The following ADGRF3 variants were observed in gnomAD, a reference collection of about 807,000 sequenced individuals.
ADGRF3 encodes G protein-coupled receptor 113.
Under a neutral mutation model 93.2 loss-of-function variants are expected in ADGRF3, and 85 were observed. That is an observed-to-expected ratio of 0.91 (90% CI 0.77 to 1.09). ADGRF3 has a LOEUF of 1.09. Ranked by LOEUF, ADGRF3 falls within the 50% of genes least tolerant of loss-of-function variation. The pLI, the probability that ADGRF3 is intolerant of heterozygous loss-of-function variation, is 0.00. For synonymous variants in ADGRF3, 534 were observed against 532.5 expected (o/e 1.00, Z -0.04); for missense variants, 1,125 against 1,246.2 (o/e 0.90, Z 1.46).
At position 26,316,385 on chromosome 2, in the gene ADGRF3, G is replaced by A; in HGVS notation, c.389C>T (p.Thr130Ile). The A allele has an allele frequency of 1.3e-6, 2 of 1,551,838 alleles. No individual in the cohort carries two copies. The highest frequency in any genetic ancestry group is 8.7e-7 in the Non-Finnish European group (1 of 1,147,004). ...CACLSGYQWN[T>I]SICLHYPPCQ... ...AGGAGGGTAATGGAGGCAGATGCTG[G>A]TGTTCCACTGGTAGCCAGAGAGGCA... The change falls in exon 4 of 14, where the codon ACC becomes ATC. Residue 130 changes from threonine (T) to isoleucine (I), a missense_variant. Transcript: ENST00000651242.
At position 26,345,888 on chromosome 2, in the gene ADGRF3, C is replaced by T. The variant is rs1676702349; in HGVS notation, c.114+233G>A. On this transcript the variant is annotated intron_variant, in intron 1 of 13. Coordinates refer to ENST00000651242, the MANE Select transcript of ADGRF3 (RefSeq NM_001321971.2). ...CCCTCTCTTGCCTTACCTCAGCTCA[C>T]CAATTTTGACGCTAGCAAATGAAGC... 1.1e-5 allele frequency: 6 copies of T among 544,878 alleles called. No individual in the cohort carries two copies. In the East Asian group the frequency reaches 1.6e-4, roughly 14 times the overall value. The allele number at this position is 544,878 out of a possible 1,614,324, so 33.8% of individuals were successfully genotyped here.
At chr2:26,325,483 G>A (rs1675389091) in intron 1 of ADGRF3, among the ~76,000 whole-genome samples, 1 of 152,166 alleles carries the variant, frequency 6.6e-6, no homozygotes. Context: ...ATGAGATCCT[G>A]CATTTGCTGT....
At chr2:26,331,615 A>G (rs1675773664) in intron 1 of ADGRF3, among the ~76,000 whole-genome samples, 1 of 152,188 alleles carries the variant, frequency 6.6e-6, no homozygotes, top group African/African-American at 2.4e-5. Context: ...CCGTAATCCC[A>G]GCTACTTGGG....
intron 1 of ADGRF3, among the ~76,000 whole-genome samples, chr2:26,329,518 G>T (rs969374690): frequency 2.6e-5 from 4 of 152,212 alleles, no homozygotes; most frequent in Non-Finnish European, 4.4e-5. Context: ...GCAAGCAAAT[G>T]GATTCTTCCC....
chr2:26,310,084 G>A lies in ADGRF3; in HGVS notation c.2896C>T (p.Arg966Cys), dbSNP rs760101320. The A allele has an allele frequency of 1.2e-5, 19 of 1,613,930 alleles. No individual in the cohort carries two copies. The highest frequency in any genetic ancestry group is 4.0e-5 in the African/African-American group (3 of 74,936). ...CTGGGGGCTTGGGCGCGGCAGAAGC[G>A]TTTGCGCAAAGCTTCTTGTATCTGC... Reference protein sequence around the residue: ...DRKIQEALRKRFCRAQAPSST... With the variant: ...DRKIQEALRKCFCRAQAPSST... Residue 966 changes from arginine to cysteine, a missense_variant, in exon 12 of 14, where the codon CGC (arginine) becomes TGC (cysteine). Arg to Cys is a radical substitution (Grantham distance 180). Transcript: ENST00000651242.
At chr2:26,336,315 A>AGTGTGTGTGTGTGTGTGTGTGT (rs71399385) in intron 1 of ADGRF3, among the ~76,000 whole-genome samples, 56 of 148,676 alleles carry the variant, frequency 3.8e-4, no homozygotes, top group African/African-American at 6.7e-4. Flanking sequence ...GGAGATCAAG[A>AGTGTGTGTGTGTGTGTGTGTGT]GTGTGTGTGT....
At chr2:26,343,436 TC>T (rs1171789394) in intron 1 of ADGRF3, among the ~76,000 whole-genome samples, 1 of 147,110 alleles carries the variant, frequency 6.8e-6, no homozygotes, top group African/African-American at 2.5e-5. Flanking sequence ...GATCAAATGA[TC>T]TTTTTTTTTT....
intron 1 of ADGRF3, among the ~76,000 whole-genome samples, chr2:26,318,641 AG>A (rs1674912941): frequency 6.6e-6 from 1 of 152,178 alleles, no homozygotes; most frequent in Non-Finnish European, 1.5e-5. Context: ...CTAAGCCAAT[AG>A]TTTCCAAATC....
intron 1 of ADGRF3, among the ~76,000 whole-genome samples, chr2:26,344,536 A>G (rs1211888651): frequency 6.6e-6 from 1 of 152,236 alleles, no homozygotes; most frequent in Non-Finnish European, 1.5e-5. Context: ...TACGTTGATC[A>G]TGTATTATTT....
intron 1 of ADGRF3, among the ~76,000 whole-genome samples, chr2:26,339,575 T>C (rs537902715): frequency 8.5e-5 from 13 of 152,282 alleles, no homozygotes; most frequent in African/African-American, 3.1e-4. Flanking sequence ...TCTTTCCTCT[T>C]GGGTTTTAAG....
At chr2:26,309,665 T>G (rs1673875165) in intron 12 of ADGRF3, 84 bp from the exon 13 acceptor site, 2 of 1,529,056 alleles carry the variant, frequency 1.3e-6, no homozygotes, top group Non-Finnish European at 1.8e-6. Flanking sequence ...CTGTTTTACT[T>G]TCTCACATGC....
chr2:26,343,312 CAGATG>C (rs1676492367), intron 1 of ADGRF3, among the ~76,000 whole-genome samples: 1 of 152,098 alleles, frequency 6.6e-6, no homozygotes, highest in South Asian at 2.1e-4. Flanking sequence ...CAAGATTTCC[CAGATG>C]AGATGACTTA....
intron 9 of ADGRF3, among the ~76,000 whole-genome samples, chr2:26,312,709 C>T (rs1674288651): frequency 6.6e-6 from 1 of 152,222 alleles, no homozygotes. Flanking sequence ...CCTCATGTCT[C>T]CACACCCTTG....
rs748145781 is a variant in ADGRF3 at position 26,309,568 on chromosome 2, C to T, written c.2951G>A (p.Gly984Asp). The change falls in exon 13 of 14, where the codon GGC (glycine) becomes GAC (aspartate). Residue 984 changes from glycine to aspartate, a missense_variant. Transcript: ENST00000651242. ...TCCTTTGCTGTGTTCCAAGATGCAG[C>T]CTTCATTTGTGGCCTAGGAAGGGGT... Reference protein sequence around the residue: ...SSTISLATNEGCILEHSKGGS... With the variant: ...SSTISLATNEDCILEHSKGGS... 6.8e-6 allele frequency: 11 copies of T among 1,612,696 alleles called. No individual in the cohort carries two copies. The highest frequency in any genetic ancestry group is 9.3e-6 in the Non-Finnish European group (11 of 1,179,514).
chr2:26,320,307 C>T (rs1320290172), intron 1 of ADGRF3, among the ~76,000 whole-genome samples: 5 of 152,030 alleles, frequency 3.3e-5, no homozygotes, highest in Admixed American at 2.0e-4. Context: ...GACCAGCCTG[C>T]CCAACATGGT....
chr2:26,319,031 G>A, intron 1 of ADGRF3: 1 of 1,551,358 alleles, frequency 6.4e-7, no homozygotes, highest in Non-Finnish European at 8.7e-7. Flanking sequence ...AGCAGCAGTG[G>A]GGCAGCCGAA....
At chr2:26,318,967 G>T (rs1230201174) in intron 1 of ADGRF3, 1 of 1,551,778 alleles carries the variant, frequency 6.4e-7, no homozygotes, top group South Asian at 1.2e-5. Context: ...CTCACTTACA[G>T]GTTGGGATGC....
chr2:26,325,352 C>G (rs147683149), intron 1 of ADGRF3, among the ~76,000 whole-genome samples: 129 of 152,174 alleles, frequency 8.5e-4, no homozygotes, highest in African/African-American at 1.7e-3. Context: ...ATTATATATG[C>G]CTTTATAGGA....
At chr2:26,313,688 G>T in intron 7 of ADGRF3, 72 bp downstream of exon 7, 1 of 1,591,936 alleles carries the variant, frequency 6.3e-7, no homozygotes. Flanking sequence ...GCAGAGACGT[G>T]CCATGCAAGA....
Sources: gnomAD v4.1 joint callset for allele counts (sites outside exome capture counted in the v4.1 genomes callset) on GRCh38, gnomAD v4.1.1 for gene constraint, MANE v1.5 for transcripts, NCBI Gene and HGNC (gene_info 2026-07-23, HGNC 2026-07-21) for gene names.